Variants in DIO2 observed in about 807,000 individuals in gnomAD.
DIO2 encodes the protein iodothyronine deiodinase 2.
A neutral mutation model predicts 21.4 loss-of-function variants in DIO2; 19 were observed. That is an observed-to-expected ratio of 0.89 (90% CI 0.62 to 1.30). The LOEUF is 1.30. Ranked by LOEUF, DIO2 falls within the 50% of genes most tolerant of loss-of-function variation. DIO2 has a pLI of 0.00. For synonymous variants in DIO2, 122 were observed against 132.9 expected (o/e 0.92, Z 0.57); for missense variants, 302 against 338.1 (o/e 0.89, Z 0.84).
chr14:80,219,448 C>T (rs1335674905), intron 2 of DIO2: 1 of 151,452 alleles, frequency 6.6e-6, no homozygotes, highest in East Asian at 1.9e-4. Flanking sequence ...CAAAGAGACA[C>T]CGGCTTACAT....
intron 1 of DIO2, 94 bp downstream of exon 1, chr14:80,211,157 C>A: frequency 8.1e-7 from 1 of 1,227,004 alleles, no homozygotes; most frequent in Non-Finnish European, 1.1e-6. Context: ...GGCTTCACAG[C>A]TCTCCCCCCA....
chr14:80,203,296 T>TAAA lies in DIO2; in HGVS notation c.223-11_223-9dup, dbSNP rs5809986. On this transcript the variant is annotated splice_polypyrimidine_tract_variant and intron_variant, in intron 1 of 1. Transcript: ENST00000438257. ...ATCCTCACCCAATTTCACCTGACGG[T>TAAA]AAAAAAAAAAAAAAAGAAGAAGAAG... 5.9e-4 allele frequency: 818 copies of TAAA among 1,394,012 alleles called. 8 individuals carry two copies. The African/African-American group carries it at 7.5e-3, about 13-fold the overall frequency. The allele number at this position is 1,394,012 out of a possible 1,614,324, so 86.4% of individuals were successfully genotyped here. A position where few individuals can be genotyped will look rare whatever the true frequency, so the allele number is the denominator to read the frequency against.
At chr14:80,204,848 C>A (rs1887885978) in intron 1 of DIO2, among the ~76,000 whole-genome samples, 1 of 152,070 alleles carries the variant, frequency 6.6e-6, no homozygotes, top group East Asian at 1.9e-4. Context: ...AATTAAAGTT[C>A]TTTCTCTCCC....
intron 2 of DIO2, chr14:80,219,547 C>A (rs1226277928): frequency 1.4e-5 from 2 of 139,282 alleles, no homozygotes; most frequent in African/African-American, 2.7e-5. Flanking sequence ...CATTCACTTA[C>A]AACAAACATT....
Position 80,224,874 on chromosome 14 carries a change from A to T in DIO2, c.-277-8137T>A, listed in dbSNP as rs1348940668. Among the ~76,000 whole-genome samples, 3 of 152,190 alleles carry T rather than the reference A, an allele frequency of 2.0e-5. No homozygotes were observed. The South Asian group carries it at 6.2e-4, about 32-fold the overall frequency. On this transcript the variant is annotated intron_variant, in intron 2 of 4. Coordinates refer to the DIO2 transcript ENST00000553594. Reference sequence around the variant, plus strand: ...GATAGATATATATAAAGGGGAGTTTATTAAGTATTAACTTACATGATCACA... The same window carrying T: ...GATAGATATATATAAAGGGGAGTTTTTTAAGTATTAACTTACATGATCACA...
chr14:80,215,333 T>G (rs773994253), upstream of DIO2, among the ~76,000 whole-genome samples: 8 of 152,206 alleles, frequency 5.3e-5, no homozygotes, highest in South Asian at 2.1e-4. Flanking sequence ...TCTTTCTGGT[T>G]GGAAAATAAC....
upstream of DIO2, among the ~76,000 whole-genome samples, chr14:80,214,313 C>T (rs1253985596): frequency 1.3e-5 from 2 of 152,182 alleles, no homozygotes; most frequent in East Asian, 3.9e-4. Context: ...CTTGCTTTTG[C>T]TCTGAAGGAG....
At chr14:80,215,370 T>C (rs1888326921), upstream of DIO2, among the ~76,000 whole-genome samples, 1 of 152,226 alleles carries the variant, frequency 6.6e-6, no homozygotes, top group Non-Finnish European at 1.5e-5. Flanking sequence ...AGACTTTCTT[T>C]AGTCCTCTTC....
At chr14:80,205,213 A>T (rs1887901202) in intron 1 of DIO2, among the ~76,000 whole-genome samples, 1 of 151,702 alleles carries the variant, frequency 6.6e-6, no homozygotes, top group Non-Finnish European at 1.5e-5. Flanking sequence ...TTTTTTATAG[A>T]TCTAGGTAGT....
Position 80,206,241 on chromosome 14 carries a change from T to G in DIO2, c.223-2953A>C, listed in dbSNP as rs758833101. ...AAAACACACACCCACCATCCATAAA[T>G]CCAAATGTGAGTAGACCAGTAGTCT... On this transcript the variant is annotated intron_variant, in intron 1 of 1. Coordinates refer to ENST00000438257, the MANE Select transcript of DIO2 (RefSeq NM_013989.5). 3.6e-5 allele frequency: 56 copies of G among 1,551,070 alleles called. 1 individual carries two copies. Among genetic ancestry groups the G allele is most frequent in the Non-Finnish European group, 4.8e-5 (55 of 1,149,198 alleles).
rs182674111 is a variant in DIO2, at chr14:80,202,176, T to G, written c.*513A>C. On this transcript the variant is annotated 3_prime_UTR_variant, in exon 2 of 2. Transcript: ENST00000438257. ...TAGAAGCTGGAACATCAGAAATGACTCTAACATAAGGTCTAACCTTAACAC... is the reference window on the plus strand; with the variant it reads ...TAGAAGCTGGAACATCAGAAATGACGCTAACATAAGGTCTAACCTTAACAC... 5 of 377,302 alleles carry G rather than the reference T, an allele frequency of 1.3e-5. No homozygotes were observed. The East Asian group carries it at 3.3e-4, about 25-fold the overall frequency. 23.4% of individuals were successfully genotyped at this position (377,302 alleles called of 1,614,324 possible). A position where few individuals can be genotyped will look rare whatever the true frequency, so the allele number is the denominator to read the frequency against.
At chr14:80,227,325 C>A (rs1377059188) in intron 2 of DIO2, among the ~76,000 whole-genome samples, 2 of 152,172 alleles carry the variant, frequency 1.3e-5, no homozygotes, top group Non-Finnish European at 2.9e-5. Context: ...CACTTTCTCA[C>A]GTAACTTACT....
chr14:80,201,630 C>G lies in DIO2; in HGVS notation c.*1059G>C, dbSNP rs1198212598. 17 of 152,274 alleles carry G rather than the reference C, an allele frequency of 1.1e-4. No homozygotes were observed. Among genetic ancestry groups the G allele is most frequent in the Admixed American group, 1.0e-3 (16 of 15,292 alleles). The allele number at this position is 152,274 out of a possible 1,614,324, so 9.4% of individuals were successfully genotyped here. A position where few individuals can be genotyped will look rare whatever the true frequency, so the allele number is the denominator to read the frequency against. On this transcript the variant is annotated 3_prime_UTR_variant, in exon 2 of 2. Coordinates refer to ENST00000438257, the MANE Select transcript of DIO2 (RefSeq NM_013989.5). ...AGGAATGGGGAGGAAAAGACCAGCA[C>G]CACCAGACCCACTGGTTTTCCTTTA...
chr14:80,222,693 C>T (rs1888488368), intron 2 of DIO2, among the ~76,000 whole-genome samples: 1 of 152,174 alleles, frequency 6.6e-6, no homozygotes, highest in South Asian at 2.1e-4. Flanking sequence ...TATGAACTAC[C>T]ACATTCAACC....
At chr14:80,209,323 T>C (rs1462151420) in intron 1 of DIO2, among the ~76,000 whole-genome samples, 2 of 152,044 alleles carry the variant, frequency 1.3e-5, no homozygotes, top group South Asian at 2.1e-4. Flanking sequence ...AAGAAATATA[T>C]GTATATAAGT....
intron 2 of DIO2, among the ~76,000 whole-genome samples, chr14:80,229,448 A>G (rs1888642441): frequency 6.6e-6 from 1 of 152,128 alleles, no homozygotes; most frequent in Non-Finnish European, 1.5e-5. Context: ...TATAAAGAAG[A>G]GCAATTATAG....
At chr14:80,212,846 G>GAAA (rs57172413), upstream of DIO2, among the ~76,000 whole-genome samples, 1 of 114,062 alleles carries the variant, frequency 8.8e-6, no homozygotes. Flanking sequence ...AGCTTCTAAT[G>GAAA]AAAAAAAAAA....
chr14:80,223,930 A>T (rs909206320), intron 2 of DIO2, among the ~76,000 whole-genome samples: 4 of 152,246 alleles, frequency 2.6e-5, no homozygotes, highest in African/African-American at 9.6e-5. Flanking sequence ...AAGTAACAGT[A>T]AGGAAATACC....
intron 1 of DIO2, among the ~76,000 whole-genome samples, chr14:80,209,886 CTGAATTCTT>C (rs1262749756): frequency 1.3e-5 from 2 of 152,182 alleles, no homozygotes; most frequent in Non-Finnish European, 2.9e-5. Context: ...CAATCCTGTC[CTGAATTCTT>C]TGTAATTTTA....
Sources: allele counts gnomAD v4.1 joint callset (sites outside exome capture counted in the v4.1 genomes callset), GRCh38; gene constraint gnomAD v4.1.1; transcripts MANE v1.5; gene names NCBI Gene and HGNC (gene_info 2026-07-23, HGNC 2026-07-21).